LDLRAD4: variants seen among roughly 807,000 people sequenced by gnomAD.
LDLRAD4 encodes low-density lipoprotein receptor class A domain-containing protein 4.
In LDLRAD4, 5 loss-of-function variants were observed where a neutral mutation model predicts 17.0. The observed-to-expected ratio is 0.29, with a 90% CI of 0.15 to 0.62. The LOEUF is 0.62. Ranked by LOEUF, LDLRAD4 falls within the 20% of genes least tolerant of loss-of-function variation. The probability of loss-of-function intolerance (pLI) is 0.84; values close to 1 mark genes in which losing one functional copy is unlikely to be tolerated. For synonymous variants in LDLRAD4, 168 were observed against 171.8 expected (o/e 0.98, Z 0.17); for missense variants, 340 against 424.7 (o/e 0.80, Z 1.75).
chr18:13,488,634 C>G (rs2147069588), intron 3 of LDLRAD4: 1 of 152,374 alleles, frequency 6.6e-6, no homozygotes, highest in East Asian at 1.9e-4. Context: ...TCTTGTTTCC[C>G]ATCACCTAGA....
chr18:13,631,530 A>G (rs2148893160), intron 4 of LDLRAD4, among the ~76,000 whole-genome samples: 1 of 152,360 alleles, frequency 6.6e-6, no homozygotes, highest in African/African-American at 2.4e-5. Context: ...AAAGCCAGAC[A>G]AAGACACAGC....
At chr18:13,353,695 C>A (rs1416665366) in intron 1 of LDLRAD4, among the ~76,000 whole-genome samples, 1 of 152,188 alleles carries the variant, frequency 6.6e-6, no homozygotes, top group Non-Finnish European at 1.5e-5. Flanking sequence ...TAGGTCAGGT[C>A]TACTCCCTTC....
intron 1 of LDLRAD4, among the ~76,000 whole-genome samples, chr18:13,331,425 AAAAGAAAAAG>A (rs1007645995): frequency 1.3e-5 from 2 of 152,202 alleles, no homozygotes; most frequent in Admixed American, 6.5e-5. Context: ...CCATGATGTT[AAAAGAAAAAG>A]AAAGAAAAAG....
intron 1 of LDLRAD4, among the ~76,000 whole-genome samples, chr18:13,267,148 C>T (rs2044265575): frequency 6.6e-6 from 1 of 152,242 alleles, no homozygotes; most frequent in African/African-American, 2.4e-5. Context: ...AATGTACTTT[C>T]ACTTGTAAGG....
chr18:13,606,220 G>T (rs1195781352), intron 3 of LDLRAD4, among the ~76,000 whole-genome samples: 1 of 152,180 alleles, frequency 6.6e-6, no homozygotes, highest in Non-Finnish European at 1.5e-5. Context: ...CTGGGGCTTG[G>T]AAGGGTAGCT....
Position 13,394,684 on chromosome 18 carries a change from G to A in LDLRAD4, c.40+6922G>A, listed in dbSNP as rs972404389. 2.0e-5 allele frequency among the ~76,000 whole-genome samples: 3 copies of A among 152,346 alleles called. No individual in the cohort carries two copies. The East Asian group carries it at 5.8e-4, about 29-fold the overall frequency. On this transcript the variant is annotated intron_variant, in intron 2 of 5. Transcript: ENST00000359446. ...GTGTTAGGGCTGATAGCACAGCCAA[G>A]ACCAGTTTGAATGCTGGCTCTACTG...
intron 3 of LDLRAD4, among the ~76,000 whole-genome samples, chr18:13,589,721 C>T (rs541332219): frequency 2.6e-5 from 4 of 151,906 alleles, no homozygotes; most frequent in Non-Finnish European, 4.4e-5. Flanking sequence ...ATGGTGAAGT[C>T]AGAAAGAAAG....
At chr18:13,526,131 G>T (rs1210246015) in intron 3 of LDLRAD4, 1 of 152,154 alleles carries the variant, frequency 6.6e-6, no homozygotes, top group Non-Finnish European at 1.5e-5. Context: ...ACTCCCATAG[G>T]ATGGATATGG....
At chr18:13,240,467 C>G (rs2042576402) in intron 1 of LDLRAD4, 1 of 152,314 alleles carries the variant, frequency 6.6e-6, no homozygotes, top group Non-Finnish European at 1.5e-5. Context: ...GCTGCTTCAG[C>G]CTCCCTCGGC....
intron 2 of LDLRAD4, among the ~76,000 whole-genome samples, chr18:13,405,976 A>G (rs2087703220): frequency 1.3e-5 from 2 of 152,208 alleles, no homozygotes; most frequent in Admixed American, 6.5e-5. Flanking sequence ...CTTTAAACTC[A>G]GTAAAGGTTC....
intron 3 of LDLRAD4, among the ~76,000 whole-genome samples, chr18:13,547,970 G>A (rs1359345243): frequency 6.6e-6 from 1 of 152,168 alleles, no homozygotes; most frequent in African/African-American, 2.4e-5. Flanking sequence ...AGAAGAACGA[G>A]GTACCCAGAC....
intron 3 of LDLRAD4, among the ~76,000 whole-genome samples, chr18:13,566,188 C>T (rs186291747): frequency 2.0e-5 from 3 of 152,120 alleles, no homozygotes; most frequent in Admixed American, 6.5e-5. Context: ...ATGAGACCCC[C>T]GTCAGTGCTG....
intron 2 of LDLRAD4, among the ~76,000 whole-genome samples, chr18:13,425,117 CAGG>C (rs1415249702): frequency 6.6e-6 from 1 of 152,114 alleles, no homozygotes; most frequent in African/African-American, 2.4e-5. Context: ...TCCTTGTATT[CAGG>C]AGAACTTACA....
chr18:13,367,720 G>C lies in LDLRAD4; in HGVS notation c.-382-19621G>C, dbSNP rs2084162687. Among the ~76,000 whole-genome samples, 1 of 152,028 alleles carries C rather than the reference G, an allele frequency of 6.6e-6. No homozygotes were observed. The highest frequency in any genetic ancestry group is 2.4e-5 in the African/African-American group (1 of 41,386). On this transcript the variant is annotated intron_variant, in intron 1 of 5. Transcript: ENST00000359446. This position sits in a 1 kb window ranked among gnomAD's most constrained non-coding sequence, Gnocchi z 4.1. ...CACACGTTGTCAAGGGATATACCGA[G>C]AGGAGACAGCCGAGCCCGGGGGGCA...
At chr18:13,374,970 C>G (rs1245346190) in intron 1 of LDLRAD4, among the ~76,000 whole-genome samples, 1 of 152,252 alleles carries the variant, frequency 6.6e-6, no homozygotes, top group Non-Finnish European at 1.5e-5. Context: ...CCAGCCTCCA[C>G]TCCCTTCCCT....
chr18:13,307,932 C>T (rs2047009484), intron 1 of LDLRAD4, among the ~76,000 whole-genome samples: 1 of 152,150 alleles, frequency 6.6e-6, no homozygotes, highest in Admixed American at 6.5e-5. Context: ...CATCCCTAAC[C>T]TCTATTTAAG....
intron 1 of LDLRAD4, among the ~76,000 whole-genome samples, chr18:13,282,906 G>A (rs151013617): frequency 0.02 from 3,041 of 152,300 alleles, 98 homozygotes; most frequent in African/African-American, 0.068. Flanking sequence ...AAATCTAGGC[G>A]GAGGTTCCCA....
At chr18:13,437,369 C>T (rs1305522709) in intron 2 of LDLRAD4, among the ~76,000 whole-genome samples, 2 of 152,376 alleles carry the variant, frequency 1.3e-5, no homozygotes, top group East Asian at 3.8e-4. Flanking sequence ...TGCAGGATGA[C>T]AGTCACTGTA....
intron 1 of LDLRAD4, among the ~76,000 whole-genome samples, chr18:13,354,776 A>G (rs1265871248): frequency 2.0e-5 from 3 of 152,206 alleles, no homozygotes; most frequent in East Asian, 1.9e-4. Flanking sequence ...ATTCTCCTCA[A>G]TGTGCAGTTT....
Sources: gnomAD v4.1 joint callset for allele counts (sites outside exome capture counted in the v4.1 genomes callset) on GRCh38, gnomAD v4.1.1 for gene constraint, Gnocchi (gnomAD v3.1) non-coding constraint, MANE v1.5 for transcripts, NCBI Gene and HGNC (gene_info 2026-07-23, HGNC 2026-07-21) for gene names.